The following SMARCC1 variants were observed in gnomAD, a reference collection of about 807,000 sequenced individuals.
The protein encoded by SMARCC1 is SWI/SNF complex subunit SMARCC1.
In SMARCC1, 43 loss-of-function variants were observed where a neutral mutation model predicts 147.4. That is an observed-to-expected ratio of 0.29 (90% CI 0.23 to 0.38). SMARCC1 has a LOEUF of 0.38. Among genes scored for constraint, SMARCC1 ranks in the 10% least tolerant of loss-of-function variants. The pLI, the probability that SMARCC1 is intolerant of heterozygous loss-of-function variation, is 1.00. For synonymous variants in SMARCC1, 495 were observed against 484.4 expected (o/e 1.02, Z -0.29); for missense variants, 1,119 against 1,381.1 (o/e 0.81, Z 3.01).
chr3:47,623,071 C>T (rs2032757374), intron 24 of SMARCC1, among the ~76,000 whole-genome samples: 1 of 150,980 alleles, frequency 6.6e-6, no homozygotes, highest in African/African-American at 2.4e-5. Flanking sequence ...CTCCCAGCAC[C>T]ATTTTTCATT....
chr3:47,766,069 T>C (rs2034836774), intron 2 of SMARCC1, among the ~76,000 whole-genome samples: 1 of 152,100 alleles, frequency 6.6e-6, no homozygotes, highest in African/African-American at 2.4e-5. Context: ...AGGTTTACAA[T>C]TTTGGGCATA....
At chr3:47,650,084 G>A (rs1484254929) in intron 21 of SMARCC1, among the ~76,000 whole-genome samples, 3 of 151,604 alleles carry the variant, frequency 2.0e-5, no homozygotes, top group Non-Finnish European at 2.9e-5. Context: ...AGATCATCCT[G>A]GCTAACACGG....
At position 47,720,519 on chromosome 3, in the gene SMARCC1, A is replaced by G. The variant is rs549310616; in HGVS notation, c.716+147T>C. On this transcript the variant is annotated intron_variant, in intron 7 of 27. Coordinates refer to ENST00000254480, the MANE Select transcript of SMARCC1 (RefSeq NM_003074.4). ...ATTAAATTTTGTACCTTAAATAAGA[A>G]AACAGTCAATAAAAGACTCCATAAG... 5.3e-5 allele frequency: 33 copies of G among 625,868 alleles called. No homozygotes were observed. In the Middle Eastern group the frequency reaches 1.1e-3, roughly 20 times the overall value. 38.8% of individuals were successfully genotyped at this position (625,868 alleles called of 1,614,324 possible).
At chr3:47,592,591 G>A (rs918704626) in intron 26 of SMARCC1, among the ~76,000 whole-genome samples, 1 of 152,152 alleles carries the variant, frequency 6.6e-6, no homozygotes, top group African/African-American at 2.4e-5. Context: ...CGATTTGGCT[G>A]CTGGGCTTGT....
chr3:47,717,626 C>T (rs955524749), intron 7 of SMARCC1, among the ~76,000 whole-genome samples: 4 of 152,090 alleles, frequency 2.6e-5, no homozygotes, highest in Admixed American at 6.5e-5. Context: ...TGCAGTGGCA[C>T]GGTCTCAGCT....
intron 26 of SMARCC1, among the ~76,000 whole-genome samples, chr3:47,607,944 T>A (rs2032502730): frequency 6.6e-6 from 1 of 152,136 alleles, no homozygotes; most frequent in Non-Finnish European, 1.5e-5. Context: ...TATTAAAAAA[T>A]TTATAATTTT....
intron 11 of SMARCC1, among the ~76,000 whole-genome samples, chr3:47,699,972 TG>T (rs2033897725): frequency 6.6e-6 from 1 of 152,108 alleles, no homozygotes; most frequent in Non-Finnish European, 1.5e-5. Flanking sequence ...GATGGTTATA[TG>T]CTTCATATAC....
At chr3:47,749,006 TA>T (rs886133120) in intron 2 of SMARCC1, among the ~76,000 whole-genome samples, 12 of 150,990 alleles carry the variant, frequency 7.9e-5, no homozygotes, top group Admixed American at 7.3e-4. Flanking sequence ...CTCATCTGTT[TA>T]AAAAAAAATA....
rs1006545613 is a variant in SMARCC1, at chr3:47,672,322, C to T, written c.1840-1605G>A. On this transcript the variant is annotated intron_variant, in intron 18 of 27. Coordinates refer to ENST00000254480, the MANE Select transcript of SMARCC1 (RefSeq NM_003074.4). ...CTCCGCCTCCCGGGTTCACACCATT[C>T]TCCTGCCTCAGCCGCTGGGACTACA... is the stretch of plus-strand genomic sequence containing the variant. 6.6e-5 allele frequency among the ~76,000 whole-genome samples: 10 copies of T among 152,078 alleles called. No individual in the cohort carries two copies. The East Asian group carries it at 1.7e-3, about 26-fold the overall frequency.
chr3:47,587,057 G>C lies in SMARCC1; in HGVS notation c.*1152C>G, dbSNP rs948957599. 6.6e-6 allele frequency: 1 copy of C among 152,470 alleles called. No individual in the cohort carries two copies. Among genetic ancestry groups the C allele is most frequent in the African/African-American group, 2.4e-5 (1 of 41,376 alleles). The allele number at this position is 152,470 out of a possible 1,614,324, so 9.4% of individuals were successfully genotyped here. ...AATGTGAGATCTCAGAAATGGAAGG[G>C]AGAAGGTATAAGGAGCTAATATCCT... On this transcript the variant is annotated 3_prime_UTR_variant, in exon 28 of 28. Coordinates refer to ENST00000254480, the MANE Select transcript of SMARCC1 (RefSeq NM_003074.4).
chr3:47,610,460 C>A, intron 25 of SMARCC1, 133 bp from the exon 26 acceptor site: 1 of 870,224 alleles, frequency 1.1e-6, no homozygotes, highest in East Asian at 2.4e-5. Context: ...ACTTCCTGCA[C>A]CTTCTACAGT....
chr3:47,598,816 ACT>A (rs1220678517), intron 26 of SMARCC1, among the ~76,000 whole-genome samples: 1 of 110,196 alleles, frequency 9.1e-6, no homozygotes, highest in Non-Finnish European at 1.8e-5. Flanking sequence ...CTACAGAGGG[ACT>A]CTGTCTCAAA....
At chr3:47,658,975 G>T (rs187883938) in intron 21 of SMARCC1, among the ~76,000 whole-genome samples, 1 of 151,828 alleles carries the variant, frequency 6.6e-6, no homozygotes, top group Non-Finnish European at 1.5e-5. Flanking sequence ...AAAATTAGCC[G>T]GGTGTTGTGG....
At chr3:47,686,276 G>A in intron 13 of SMARCC1, 106 bp from the exon 14 acceptor site, 4 of 845,880 alleles carry the variant, frequency 4.7e-6, no homozygotes, top group African/African-American at 1.7e-5. Flanking sequence ...GAAGCTCCCC[G>A]ATTCGATCAG....
At chr3:47,745,767 G>A (rs1199121371) in intron 3 of SMARCC1, 141 bp downstream of exon 3, 5 of 496,644 alleles carry the variant, frequency 1.0e-5, no homozygotes, top group Admixed American at 3.9e-5. Context: ...TATTTTTCTT[G>A]GATGTAGAAA....
intron 11 of SMARCC1, among the ~76,000 whole-genome samples, chr3:47,699,940 T>C (rs1025082549): frequency 1.3e-5 from 2 of 152,096 alleles, no homozygotes; most frequent in African/African-American, 4.8e-5. Context: ...TGTCTGTCAC[T>C]GTACAAGTTT....
At chr3:47,717,263 C>T (rs529994729) in intron 7 of SMARCC1, among the ~76,000 whole-genome samples, 3 of 152,198 alleles carry the variant, frequency 2.0e-5, no homozygotes, top group Non-Finnish European at 2.9e-5. Context: ...ACCTTAGATC[C>T]GGCTACCAAT....
chr3:47,669,686 A>T (rs2033470969), intron 19 of SMARCC1, among the ~76,000 whole-genome samples: 1 of 152,220 alleles, frequency 6.6e-6, no homozygotes, highest in South Asian at 2.1e-4. Flanking sequence ...CAACAGAGAA[A>T]GATAAGGTTG....
intron 2 of SMARCC1, among the ~76,000 whole-genome samples, chr3:47,766,182 C>G (rs948060593): frequency 2.6e-5 from 4 of 152,144 alleles, no homozygotes; most frequent in African/African-American, 7.2e-5. Flanking sequence ...ACTTGAGACT[C>G]TCACTTAACC....
Sources: allele counts gnomAD v4.1 joint callset (sites outside exome capture counted in the v4.1 genomes callset), GRCh38; gene constraint gnomAD v4.1.1; transcripts MANE v1.5; gene names NCBI Gene and HGNC (gene_info 2026-07-23, HGNC 2026-07-21).